PCDHA1: variants seen among roughly 807,000 people sequenced by gnomAD.
The protein encoded by PCDHA1 is protocadherin alpha-1.
Under a neutral mutation model 61.3 loss-of-function variants are expected in PCDHA1, and 42 were observed. The ratio of observed to expected loss-of-function variants is 0.69; its 90% CI spans 0.54 to 0.89. The LOEUF (loss-of-function observed/expected upper bound fraction) is 0.89, where lower values mean the gene tolerates loss of function less well. PCDHA1 is among the 40% of genes least tolerant of loss of function. The pLI, the probability that PCDHA1 is intolerant of heterozygous loss-of-function variation, is 0.00. For synonymous variants in PCDHA1, 610 were observed against 553.8 expected (o/e 1.10, Z -1.43); for missense variants, 1,256 against 1,235.3 (o/e 1.02, Z -0.25).
At chr5:140,804,975 C>T in intron 1 of PCDHA1, 1 of 1,485,256 alleles carries the variant, frequency 6.7e-7, no homozygotes, top group Non-Finnish European at 9.0e-7. Context: ...ATAGTGTGTC[C>T]ATCTCAGGTC....
At chr5:141,009,455 A>G in intron 3 of PCDHA1, 172 bp from the exon 4 acceptor site, 1 of 946,862 alleles carries the variant, frequency 1.1e-6, no homozygotes, top group Non-Finnish European at 1.3e-6. Flanking sequence ...AAAAAATTAA[A>G]CAAATAAATA....
At chr5:140,929,209 G>T in intron 1 of PCDHA1, 1 of 1,614,054 alleles carries the variant, frequency 6.2e-7, no homozygotes, top group Non-Finnish European at 8.5e-7. Context: ...GCTGTTGCGT[G>T]GGGAGTACAA....
rs782292532 is a variant in PCDHA1, at chr5:140,808,928, G to C, written c.2394+20244G>C. ...CACTGGTGGCGCAGTGAGCGAGCTG[G>C]TGCCATGGTCGGTGGGTGTGGGCCA... On this transcript the variant is annotated intron_variant, in intron 1 of 3. Transcript: ENST00000504120. 3.1e-6 allele frequency: 5 copies of C among 1,613,746 alleles called. No individual in the cohort carries two copies. The highest frequency in any genetic ancestry group is 1.7e-4 in the Middle Eastern group (1 of 6,044).
intron 1 of PCDHA1, among the ~76,000 whole-genome samples, chr5:140,827,481 A>C (rs555131112): frequency 1.3e-5 from 2 of 152,252 alleles, no homozygotes; most frequent in Admixed American, 1.3e-4. Flanking sequence ...TTGAACAAAG[A>C]AAGCATGGAC....
At chr5:140,931,815 T>C (rs954167352) in intron 1 of PCDHA1, among the ~76,000 whole-genome samples, 47 of 152,114 alleles carry the variant, frequency 3.1e-4, no homozygotes, top group African/African-American at 8.4e-4. Flanking sequence ...TAGAAAAGAA[T>C]TCTTGTCATA....
At chr5:140,986,823 A>G (rs2097214089) in intron 3 of PCDHA1, among the ~76,000 whole-genome samples, 1 of 152,166 alleles carries the variant, frequency 6.6e-6, no homozygotes, top group Admixed American at 6.5e-5. Context: ...TTTGGTTTAG[A>G]CAATGGTTCT....
intron 1 of PCDHA1, among the ~76,000 whole-genome samples, chr5:140,833,607 C>A (rs1037062393): frequency 6.6e-6 from 1 of 152,056 alleles, no homozygotes; most frequent in East Asian, 1.9e-4. Flanking sequence ...TCTGCTAAAG[C>A]AAAAAATTCA....
At chr5:140,861,319 C>G (rs781885907) in intron 1 of PCDHA1, 29 of 220,020 alleles carry the variant, frequency 1.3e-4, no homozygotes, top group Non-Finnish European at 2.1e-4. Context: ...ACCAGTTCCA[C>G]TACACCATCC....
At chr5:140,869,323 C>T in intron 1 of PCDHA1, 1 of 1,613,864 alleles carries the variant, frequency 6.2e-7, no homozygotes, top group South Asian at 1.1e-5. Flanking sequence ...ACATGGGGAC[C>T]TTCTGGAGGT....
chr5:140,822,923 A>G (rs2150120429), intron 1 of PCDHA1: 3 of 1,614,152 alleles, frequency 1.9e-6, no homozygotes, highest in South Asian at 2.2e-5. Context: ...GCCAACGGGC[A>G]GGTGACCTGC....
intron 1 of PCDHA1, chr5:140,883,393 C>T (rs781845683): frequency 1.2e-6 from 2 of 1,614,160 alleles, no homozygotes; most frequent in South Asian, 2.2e-5. Flanking sequence ...TCAGTGTGTC[C>T]GATCGTGACT....
chr5:140,963,895 T>C (rs1331133094), intron 1 of PCDHA1, among the ~76,000 whole-genome samples: 2 of 152,224 alleles, frequency 1.3e-5, no homozygotes, highest in Non-Finnish European at 2.9e-5. Flanking sequence ...TTAATTAAAA[T>C]GAGTAAAGTG....
intron 1 of PCDHA1, among the ~76,000 whole-genome samples, chr5:140,818,604 T>A (rs537338051): frequency 6.6e-6 from 1 of 152,274 alleles, no homozygotes; most frequent in South Asian, 2.1e-4. Flanking sequence ...GTGTGGGCCA[T>A]GACAGGAGGA....
rs1554149566 is a variant in PCDHA1 at position 140,857,139 on chromosome 5, T to C, written c.2394+68455T>C. ...CTCCCAGTGAAAGAAGATGCTCAAG[T>C]GGGCACCGTCATTGCCCTAATCAGC... On this transcript the variant is annotated intron_variant, in intron 1 of 3. Transcript: ENST00000504120. 4 of 1,598,152 alleles carry C rather than the reference T, an allele frequency of 2.5e-6. 1 individual carries two copies. The highest frequency in any genetic ancestry group is 1.7e-5 in the Admixed American group (1 of 59,246).
intron 1 of PCDHA1, chr5:140,822,178 C>T: frequency 1.2e-6 from 2 of 1,614,244 alleles, no homozygotes; most frequent in Middle Eastern, 1.6e-4. Context: ...GTTCTCCAGA[C>T]AAGAACAAAG....
intron 1 of PCDHA1, among the ~76,000 whole-genome samples, chr5:140,791,712 CT>C: frequency 6.6e-6 from 1 of 152,256 alleles, no homozygotes; most frequent in African/African-American, 2.4e-5. Context: ...GTTTTGATTT[CT>C]TTTTCTTAAA....
intron 1 of PCDHA1, chr5:140,796,711 TG>T: frequency 1.9e-6 from 3 of 1,613,884 alleles, no homozygotes; most frequent in Non-Finnish European, 2.5e-6. Context: ...GCTGGTGCCG[TG>T]GTCGGTGGGT....
At chr5:140,927,993 A>G (rs782756882) in intron 1 of PCDHA1, 66 of 1,614,068 alleles carry the variant, frequency 4.1e-5, no homozygotes, top group Non-Finnish European at 5.4e-5. Flanking sequence ...TAAAGGATGA[A>G]GACCTCGATT....
chr5:140,834,541 G>A, intron 1 of PCDHA1: 2 of 1,614,080 alleles, frequency 1.2e-6, no homozygotes, highest in African/African-American at 1.3e-5. Flanking sequence ...CAGGACCTGG[G>A]GCTGGAGCTG....
Sources: gnomAD v4.1 joint callset for allele counts (sites outside exome capture counted in the v4.1 genomes callset) on GRCh38, gnomAD v4.1.1 for gene constraint, MANE v1.5 for transcripts, NCBI Gene and HGNC (gene_info 2026-07-23, HGNC 2026-07-21) for gene names.